The following DLGAP1 variants were observed in gnomAD, a reference collection of about 807,000 sequenced individuals.
The protein encoded by DLGAP1 is DLG associated protein 1.
A neutral mutation model predicts 90.8 loss-of-function variants in DLGAP1; 11 were observed. The ratio of observed to expected loss-of-function variants is 0.12; its 90% CI spans 0.08 to 0.20. The LOEUF (loss-of-function observed/expected upper bound fraction) is 0.20, where lower values mean the gene tolerates loss of function less well. DLGAP1 is among the 10% of genes least tolerant of loss of function. The pLI is 1.00. For missense variants in DLGAP1, 1,050 were observed against 1,333.8 expected, an observed-to-expected ratio of 0.79 and a Z score of 3.31; for synonymous variants, 558 against 540.7, an observed-to-expected ratio of 1.03 and a Z score of -0.44.
At chr18:4,202,560 T>C (rs16946246) in intron 1 of DLGAP1, among the ~76,000 whole-genome samples, 3,212 of 152,284 alleles carry the variant, frequency 0.021, 100 homozygotes, top group African/African-American at 0.073. Flanking sequence ...TCAACAGTGA[T>C]AAAACCAACA....
intron 1 of DLGAP1, among the ~76,000 whole-genome samples, chr18:4,285,771 AAACATG>A (rs2079674158): frequency 6.6e-6 from 1 of 152,202 alleles, no homozygotes; most frequent in Non-Finnish European, 1.5e-5. Context: ...TGAGTGGTTG[AAACATG>A]GCTACTGGGA....
At chr18:3,950,267 A>G (rs1188144943) in intron 3 of DLGAP1, among the ~76,000 whole-genome samples, 1 of 152,234 alleles carries the variant, frequency 6.6e-6, no homozygotes, top group African/African-American at 2.4e-5. Context: ...AAAGTAAGGA[A>G]TATGTTCACA....
intron 7 of DLGAP1, among the ~76,000 whole-genome samples, chr18:3,663,089 TG>T (rs1423584022): frequency 3.9e-5 from 6 of 152,028 alleles, no homozygotes; most frequent in South Asian, 2.1e-4. Context: ...CTGACCAACA[TG>T]GTGAAACCCC....
At chr18:3,668,635 G>A (rs564406378) in intron 7 of DLGAP1, among the ~76,000 whole-genome samples, 69 of 152,276 alleles carry the variant, frequency 4.5e-4, no homozygotes, top group African/African-American at 1.6e-3. Flanking sequence ...TTCAAAACAA[G>A]CTTCACATCT....
chr18:4,327,699 A>T (rs1568516154), intron 1 of DLGAP1, among the ~76,000 whole-genome samples: 1 of 152,070 alleles, frequency 6.6e-6, no homozygotes, highest in Non-Finnish European at 1.5e-5. Flanking sequence ...AATATAGAAT[A>T]TTTTTGTGAA....
intron 2 of DLGAP1, among the ~76,000 whole-genome samples, chr18:4,007,216 T>C (rs2149087239): frequency 6.6e-6 from 1 of 152,166 alleles, no homozygotes; most frequent in East Asian, 1.9e-4. Context: ...GGCTTCTTGC[T>C]CCTGGGGCAG....
chr18:3,533,848 C>T (rs1021811343), intron 10 of DLGAP1, among the ~76,000 whole-genome samples: 1 of 151,970 alleles, frequency 6.6e-6, no homozygotes, highest in Non-Finnish European at 1.5e-5. Flanking sequence ...ATTTTCAATC[C>T]CCTGAGGATC....
intron 1 of DLGAP1, among the ~76,000 whole-genome samples, chr18:4,340,351 G>A (rs768859352): frequency 6.6e-6 from 1 of 151,980 alleles, no homozygotes; most frequent in South Asian, 2.1e-4. Context: ...ACAGAGTGAG[G>A]TTTCATCACA....
At chr18:3,938,695 C>T (rs781658748) in intron 3 of DLGAP1, among the ~76,000 whole-genome samples, 5 of 152,126 alleles carry the variant, frequency 3.3e-5, no homozygotes, top group Non-Finnish European at 7.3e-5. Context: ...GCATTGGAAG[C>T]AAGGAGAAGT....
At chr18:4,283,810 T>A (rs1227245300) in intron 1 of DLGAP1, among the ~76,000 whole-genome samples, 2 of 129,290 alleles carry the variant, frequency 1.5e-5, no homozygotes, top group Non-Finnish European at 3.2e-5. Context: ...AAAGCACTCT[T>A]TTTTATAAAA....
chr18:3,980,950 T>G (rs561330474), intron 3 of DLGAP1, among the ~76,000 whole-genome samples: 1 of 152,352 alleles, frequency 6.6e-6, no homozygotes, highest in South Asian at 2.1e-4. Context: ...TTATTAACTA[T>G]AGTCACCATC....
intron 1 of DLGAP1, among the ~76,000 whole-genome samples, chr18:4,329,964 G>A (rs1036834269): frequency 7.9e-5 from 12 of 151,824 alleles, no homozygotes; most frequent in African/African-American, 2.4e-4. Flanking sequence ...TTTTGCCTGA[G>A]TGTTTCATAG....
At chr18:4,269,540 G>A (rs929581453) in intron 1 of DLGAP1, among the ~76,000 whole-genome samples, 3 of 151,608 alleles carry the variant, frequency 2.0e-5, no homozygotes, top group Non-Finnish European at 4.4e-5. Context: ...ATTTTTAGTA[G>A]AGACGGGGTT....
chr18:4,241,357 G>A (rs2078529692), intron 1 of DLGAP1, among the ~76,000 whole-genome samples: 1 of 152,172 alleles, frequency 6.6e-6, no homozygotes, highest in Admixed American at 6.6e-5. Flanking sequence ...GCTATTATCT[G>A]AGAAACACAC....
intron 1 of DLGAP1, among the ~76,000 whole-genome samples, chr18:4,352,479 G>T (rs2081422102): frequency 6.6e-6 from 1 of 152,074 alleles, no homozygotes; most frequent in Admixed American, 6.6e-5. Context: ...TGTTCTGCTT[G>T]TTGTGGGGGA....
intron 2 of DLGAP1, among the ~76,000 whole-genome samples, chr18:4,050,108 G>A (rs527317170): frequency 6.6e-6 from 1 of 152,288 alleles, no homozygotes; most frequent in South Asian, 2.1e-4. Flanking sequence ...TTACAACAAA[G>A]TGTGATAAGT....
At chr18:3,971,627 C>T (rs2073452092) in intron 3 of DLGAP1, among the ~76,000 whole-genome samples, 2 of 152,122 alleles carry the variant, frequency 1.3e-5, no homozygotes, top group Admixed American at 1.3e-4. Context: ...CAAGACTTAA[C>T]TTTTAAGACT....
At chr18:4,200,102 A>C (rs1029949746) in intron 1 of DLGAP1, among the ~76,000 whole-genome samples, 3 of 152,102 alleles carry the variant, frequency 2.0e-5, no homozygotes, top group Non-Finnish European at 4.4e-5. Flanking sequence ...TTGGATTCCA[A>C]GTATTTTCTG....
rs113982770 is a variant in DLGAP1 at position 3,499,631 on chromosome 18, G to A, written c.2725-237C>T. Among the ~76,000 whole-genome samples, 49 of 152,202 alleles carry A rather than the reference G, an allele frequency of 3.2e-4. No individual in the cohort carries two copies. The highest frequency in any genetic ancestry group is 1.1e-3 in the African/African-American group (46 of 41,526). Reference sequence around the variant, plus strand: ...GGGTAAGGCTGGGTTGCAGAACTAGGTCTCTCCAAGGGAAGGAAGTGGGTA... The same window carrying A: ...GGGTAAGGCTGGGTTGCAGAACTAGATCTCTCCAAGGGAAGGAAGTGGGTA... On this transcript the variant is annotated intron_variant, in intron 12 of 12. Transcript: ENST00000315677. This position sits in a 1 kb window ranked among gnomAD's most constrained non-coding sequence, Gnocchi z 6.4.
Sources: gnomAD v4.1 joint callset for allele counts (sites outside exome capture counted in the v4.1 genomes callset) on GRCh38, gnomAD v4.1.1 for gene constraint, Gnocchi (gnomAD v3.1) non-coding constraint, MANE v1.5 for transcripts, NCBI Gene and HGNC (gene_info 2026-07-23, HGNC 2026-07-21) for gene names.